INSR: variants seen among roughly 807,000 people sequenced by gnomAD.
INSR encodes the protein IR.
Under a neutral mutation model 142.6 loss-of-function variants are expected in INSR, and 67 were observed. The ratio of observed to expected loss-of-function variants is 0.47; its 90% CI spans 0.39 to 0.58. INSR has a LOEUF of 0.58. Ranked by LOEUF, INSR falls within the 20% of genes least tolerant of loss-of-function variation. The pLI, the probability that INSR is intolerant of heterozygous loss-of-function variation, is 0.00. For missense variants in INSR, 1,248 were observed against 1,833.2 expected, an observed-to-expected ratio of 0.68 and a Z score of 5.83; for synonymous variants, 756 against 743.1, an observed-to-expected ratio of 1.02 and a Z score of -0.28.
chr19:7,204,543 T>C (rs988562806), intron 2 of INSR, among the ~76,000 whole-genome samples: 2 of 152,180 alleles, frequency 1.3e-5, no homozygotes, highest in African/African-American at 2.4e-5. Flanking sequence ...CCTGCTCATG[T>C]TGATTTCAAC....
Position 7,245,649 on chromosome 19 carries a change from T to C in INSR, c.652+21696A>G, listed in dbSNP as rs530307851. On this transcript the variant is annotated intron_variant, in intron 2 of 21. Coordinates refer to ENST00000302850, the MANE Select transcript of INSR (RefSeq NM_000208.4). ...TTTATAGTAGCGGGGTTTCACTGTG[T>C]TGGCCAGGCTGGTCTCGAACTCCTG... 2.6e-5 allele frequency among the ~76,000 whole-genome samples: 4 copies of C among 152,214 alleles called. No individual in the cohort carries two copies. In the South Asian group the frequency reaches 8.3e-4, roughly 32 times the overall value.
At chr19:7,181,749 T>G (rs984097085) in intron 3 of INSR, among the ~76,000 whole-genome samples, 3 of 151,752 alleles carry the variant, frequency 2.0e-5, no homozygotes, top group Admixed American at 1.3e-4. Context: ...TTTTTTTTGT[T>G]TTTGTATTTT....
At chr19:7,187,302 G>A (rs1283327420) in intron 2 of INSR, among the ~76,000 whole-genome samples, 2 of 151,450 alleles carry the variant, frequency 1.3e-5, no homozygotes, top group Admixed American at 6.6e-5. Context: ...GGCTGGTCTC[G>A]AACTCCTGAC....
At chr19:7,201,897 G>A (rs550743242) in intron 2 of INSR, among the ~76,000 whole-genome samples, 20 of 152,086 alleles carry the variant, frequency 1.3e-4, no homozygotes, top group African/African-American at 4.3e-4. Flanking sequence ...TCCTGACCTC[G>A]TGATCCACCC....
At chr19:7,283,907 C>A (rs892126745) in intron 1 of INSR, among the ~76,000 whole-genome samples, 12 of 152,104 alleles carry the variant, frequency 7.9e-5, no homozygotes. Context: ...CAATACCTAG[C>A]CTTGTTTTAT....
chr19:7,200,415 A>G (rs1425634957), intron 2 of INSR, among the ~76,000 whole-genome samples: 1 of 152,114 alleles, frequency 6.6e-6, no homozygotes, highest in Non-Finnish European at 1.5e-5. Context: ...TCTGGGTTTG[A>G]GGTGTGGAGT....
chr19:7,172,191 C>A, intron 5 of INSR, 99 bp downstream of exon 5: 2 of 1,284,446 alleles, frequency 1.6e-6, no homozygotes, highest in Non-Finnish European at 2.2e-6. Flanking sequence ...GGATTACAGG[C>A]ATCAGCCACC....
At chr19:7,154,300 CTTTTT>C (rs762914829) in intron 9 of INSR, among the ~76,000 whole-genome samples, 3 of 107,290 alleles carry the variant, frequency 2.8e-5, no homozygotes, top group South Asian at 3.2e-4. Flanking sequence ...ACCACAATTA[CTTTTT>C]TTTTTTTTTT....
In INSR at chr19:7,166,481, A is replaced by T. The variant is rs1012970733; in HGVS notation, c.1611-77T>A. The T allele has an allele frequency of 2.0e-6, 3 of 1,514,166 alleles. 1 individual carries two copies. In the Middle Eastern group the frequency reaches 5.2e-4, roughly 260 times the overall value. The allele number at this position is 1,514,166 out of a possible 1,614,324, so 93.8% of individuals were successfully genotyped here. A position where few individuals can be genotyped will look rare whatever the true frequency, so the allele number is the denominator to read the frequency against. ...GAGTGCCGTGCAGATGAGGCCTGGG[A>T]AGTTACATCCCATAGGGTCACATGT... On this transcript the variant is annotated intron_variant, in intron 7 of 21. Transcript: ENST00000302850. This position sits in a 1 kb window ranked among gnomAD's most constrained non-coding sequence, Gnocchi z 4.1.
At chr19:7,152,443 T>G in intron 10 of INSR, 2 of 479,214 alleles carry the variant, frequency 4.2e-6, no homozygotes, top group Non-Finnish European at 7.7e-6. Context: ...GAGTTTGTTT[T>G]GGAACTCACG....
chr19:7,118,412 G>A (rs954944592), intron 21 of INSR, among the ~76,000 whole-genome samples: 3 of 151,820 alleles, frequency 2.0e-5, no homozygotes, highest in Non-Finnish European at 2.9e-5. Context: ...CTGCCTCCCC[G>A]ATTCAAGCAA....
At chr19:7,207,928 GGAAGGAAGGA>G (rs1975152726) in intron 2 of INSR, among the ~76,000 whole-genome samples, 2 of 130,870 alleles carry the variant, frequency 1.5e-5, no homozygotes, top group African/African-American at 5.8e-5. Context: ...AAGGAAGGAA[GGAAGGAAGGA>G]AGGGAAGGAG....
At chr19:7,292,912 A>T (rs1274237075) in intron 1 of INSR, among the ~76,000 whole-genome samples, 1 of 152,148 alleles carries the variant, frequency 6.6e-6, no homozygotes, top group Non-Finnish European at 1.5e-5. Context: ...TCAAGGAGAC[A>T]GCAGACAAGG....
At chr19:7,280,482 C>T (rs1033092401) in intron 1 of INSR, among the ~76,000 whole-genome samples, 2 of 152,096 alleles carry the variant, frequency 1.3e-5, no homozygotes, top group East Asian at 1.9e-4. Flanking sequence ...CTTTGGGCAG[C>T]CGAGGCGGGT....
chr19:7,251,048 T>C (rs1049386623), intron 2 of INSR, among the ~76,000 whole-genome samples: 1 of 152,052 alleles, frequency 6.6e-6, no homozygotes, highest in Non-Finnish European at 1.5e-5. Flanking sequence ...GGCTGGATCA[T>C]TCTTTGTGGC....
At chr19:7,207,926 AAGGAAGGAAGGAAGGGAAGGAGGG>A (rs1470038843) in intron 2 of INSR, among the ~76,000 whole-genome samples, 2 of 126,226 alleles carry the variant, frequency 1.6e-5, no homozygotes, top group African/African-American at 6.1e-5. Context: ...GGAAGGAAGG[AAGGAAGGAAGGAAGGGAAGGAGGG>A]AGGGAGGGAG....
chr19:7,273,993 A>AAAAT (rs965591356), intron 1 of INSR, among the ~76,000 whole-genome samples: 78 of 152,030 alleles, frequency 5.1e-4, no homozygotes, highest in African/African-American at 1.7e-3. Flanking sequence ...ACTCCATCTC[A>AAAAT]AAATAAATAA....
chr19:7,143,273 C>T (rs1194591641), intron 11 of INSR, among the ~76,000 whole-genome samples, 183 bp from the exon 12 acceptor site: 1 of 152,128 alleles, frequency 6.6e-6, no homozygotes, highest in African/African-American at 2.4e-5. Flanking sequence ...TTTCAATATA[C>T]CCTTGTGAGC....
chr19:7,222,127 TAAA>T (rs57114939), intron 2 of INSR, among the ~76,000 whole-genome samples: 4,674 of 126,268 alleles, frequency 0.037, 193 homozygotes, highest in East Asian at 0.14. Flanking sequence ...ATGTCCTCGG[TAAA>T]AAAAAAAAAA....
Sources: allele counts gnomAD v4.1 joint callset (sites outside exome capture counted in the v4.1 genomes callset), GRCh38; gene constraint gnomAD v4.1.1; non-coding constraint Gnocchi (gnomAD v3.1); transcripts MANE v1.5; gene names NCBI Gene and HGNC (gene_info 2026-07-23, HGNC 2026-07-21).